ESR2: variants seen among roughly 807,000 people sequenced by gnomAD.
ESR2 encodes the protein estrogen receptor beta.
ESR2 carries 36 observed loss-of-function variants against 49.6 expected under a neutral mutation model. The observed-to-expected ratio is 0.73, with a 90% confidence interval of 0.56 to 0.96. ESR2 has a LOEUF of 0.96. Among genes scored for constraint, ESR2 ranks in the 40% least tolerant of loss-of-function variants. The pLI, the probability that ESR2 is intolerant of heterozygous loss-of-function variation, is 0.00. For missense variants in ESR2, 714 were observed against 693.0 expected (o/e 1.03, Z -0.34); for synonymous variants, 320 against 266.1 (o/e 1.20, Z -1.97).
At chr14:64,332,358 G>T (rs927545151) in intron 1 of ESR2, 1 of 152,134 alleles carries the variant, frequency 6.6e-6, no homozygotes, top group African/African-American at 2.4e-5. Flanking sequence ...GGTATCAATT[G>T]GTCTAACGTA....
chr14:64,332,785 G>A (rs2077478102), intron 1 of ESR2, among the ~76,000 whole-genome samples: 1 of 144,450 alleles, frequency 6.9e-6, no homozygotes. Flanking sequence ...GGGGGACAGA[G>A]TGAGACTCCA....
At chr14:64,257,441 A>C in intron 5 of ESR2, 77 bp from the exon 6 acceptor site, 3 of 1,567,546 alleles carry the variant, frequency 1.9e-6, no homozygotes, top group Non-Finnish European at 2.6e-6. Flanking sequence ...CAGAATGGCA[A>C]GTGTTAAAAC....
chr14:64,280,050 C>G lies in ESR2; in HGVS notation c.466G>C (p.Ala156Pro). 5 of 1,613,994 alleles carry G rather than the reference C, an allele frequency of 3.1e-6. No individual in the cohort carries two copies. Among genetic ancestry groups the G allele is most frequent in the Non-Finnish European group, 4.2e-6 (5 of 1,179,848 alleles). The change falls in exon 3 of 9, where the codon GCA becomes CCA. Residue 156 changes from alanine to proline, a missense_variant. Ala to Pro is a conservative substitution (Grantham distance 27, BLOSUM62 -1). Transcript: ENST00000341099. Reference protein sequence around the residue: ...AHFCAVCSDYASGYHYGVWSC... With the variant: ...AHFCAVCSDYPSGYHYGVWSC... ...CAGACTCCATAGTGATATCCCGATG[C>G]GTAATCGCTGCAGACAGCGCAGAAG...
At chr14:64,335,973 T>TTGTGTGTGTGTGTG (rs55721717) in intron 1 of ESR2, 2 of 125,694 alleles carry the variant, frequency 1.6e-5, no homozygotes, top group Non-Finnish European at 3.3e-5. Context: ...CCCAGCTAAT[T>TTGTGTGTGTGTGTG]TGTGTGTGTG....
Position 64,280,902 on chromosome 14 carries a change from T to C in ESR2, c.363-749A>G, listed in dbSNP as rs144875882. ...GTGCACACCTGTAATCCCAGCTACTTTGGAGGATGAAGCAGGAGATTGCTT... is the reference window on the plus strand; with the variant it reads ...GTGCACACCTGTAATCCCAGCTACTCTGGAGGATGAAGCAGGAGATTGCTT... On this transcript the variant is annotated intron_variant, in intron 2 of 8. Coordinates refer to ENST00000341099, the MANE Select transcript of ESR2 (RefSeq NM_001437.3). Among the ~76,000 whole-genome samples the C allele has an allele frequency of 1.3e-3, 202 of 152,056 alleles. 1 individual carries two copies. Among genetic ancestry groups the C allele is most frequent in the Middle Eastern group, 3.4e-3 (1 of 294 alleles).
At chr14:64,270,464 C>G (rs532944167) in intron 3 of ESR2, among the ~76,000 whole-genome samples, 2 of 152,250 alleles carry the variant, frequency 1.3e-5, no homozygotes, top group South Asian at 4.1e-4. Flanking sequence ...ATTCTTTAAA[C>G]TGGACATGTT....
intron 4 of ESR2, among the ~76,000 whole-genome samples, chr14:64,262,463 A>T (rs1409099595): frequency 6.6e-6 from 1 of 152,192 alleles, no homozygotes; most frequent in African/African-American, 2.4e-5. Context: ...CCAAAATAAC[A>T]AACAATAACA....
chr14:64,313,603 G>A (rs1313287684), intron 1 of ESR2, among the ~76,000 whole-genome samples: 1 of 150,680 alleles, frequency 6.6e-6, no homozygotes, highest in African/African-American at 2.4e-5. Flanking sequence ...AAAAAAGAAA[G>A]AAGAGGCCAG....
At chr14:64,247,170 G>A (rs1004445706) in intron 7 of ESR2, among the ~76,000 whole-genome samples, 6 of 152,176 alleles carry the variant, frequency 3.9e-5, no homozygotes, top group Admixed American at 1.3e-4. Flanking sequence ...TTTAGCAATC[G>A]ACAGAGTAAT....
chr14:64,265,347 A>G (rs1198171301), intron 4 of ESR2, among the ~76,000 whole-genome samples: 1 of 152,226 alleles, frequency 6.6e-6, no homozygotes, highest in Admixed American at 6.5e-5. Context: ...TGCATATTGC[A>G]CATGTCCTGA....
chr14:64,328,203 CACA>C (rs1449982573), intron 1 of ESR2, among the ~76,000 whole-genome samples: 2 of 152,010 alleles, frequency 1.3e-5, no homozygotes, highest in Non-Finnish European at 2.9e-5. Flanking sequence ...GCTTGGGTGA[CACA>C]ACGAGACTTC....
rs1048491921 is a variant in ESR2, at chr14:64,230,691, C to G, written c.*2446G>C. On this transcript the variant is annotated 3_prime_UTR_variant, in exon 9 of 9. Coordinates refer to ENST00000341099, the MANE Select transcript of ESR2 (RefSeq NM_001437.3). Reference sequence around the variant, plus strand: ...GGCAGTCACTATGAGACAGGCCTGACAGAGGGGTGCTGTGAGAACAGAGCG... The same window carrying G: ...GGCAGTCACTATGAGACAGGCCTGAGAGAGGGGTGCTGTGAGAACAGAGCG... 6.6e-6 allele frequency among the ~76,000 whole-genome samples: 1 copy of G among 151,636 alleles called. No individual in the cohort carries two copies. Among genetic ancestry groups the G allele is most frequent in the Admixed American group, 6.6e-5 (1 of 15,204 alleles).
intron 7 of ESR2, among the ~76,000 whole-genome samples, chr14:64,235,935 C>G (rs1314814092): frequency 2.6e-5 from 4 of 152,162 alleles, no homozygotes; most frequent in Non-Finnish European, 5.9e-5. Flanking sequence ...ATCTCCTCCC[C>G]CCGACCCCTG....
downstream of ESR2, chr14:64,227,899 C>G (rs777942903): frequency 1.3e-6 from 2 of 1,597,762 alleles, no homozygotes; most frequent in Non-Finnish European, 1.7e-6. Context: ...ACTAAGATAA[C>G]TTCAAATGAA....
intron 5 of ESR2, among the ~76,000 whole-genome samples, chr14:64,259,931 G>A (rs2076177230): frequency 6.6e-6 from 1 of 152,072 alleles, no homozygotes; most frequent in African/African-American, 2.4e-5. Flanking sequence ...GGGTCAATGT[G>A]GAGTCTATCA....
chr14:64,261,362 C>T (rs999500447), intron 4 of ESR2, among the ~76,000 whole-genome samples: 3 of 150,552 alleles, frequency 2.0e-5, no homozygotes, highest in South Asian at 2.1e-4. Context: ...CTCAGCCTCC[C>T]GAGTAGCTAG....
At chr14:64,268,746 G>A (rs1782886604) in intron 4 of ESR2, 49 bp downstream of exon 4, 1 of 1,092,282 alleles carries the variant, frequency 9.2e-7, no homozygotes, top group Non-Finnish European at 1.4e-6. Flanking sequence ...TCAGAGGACA[G>A]GGCTTTTAGC....
intron 1 of ESR2, among the ~76,000 whole-genome samples, chr14:64,286,084 A>G (rs2076780621): frequency 1.3e-5 from 2 of 152,110 alleles, no homozygotes; most frequent in African/African-American, 4.8e-5. Context: ...CCCTGCCTTC[A>G]GGGAGCTAAT....
At chr14:64,314,895 A>AAAAAAAAAAAAAAAT (rs2077234205) in intron 1 of ESR2, among the ~76,000 whole-genome samples, 1 of 145,864 alleles carries the variant, frequency 6.9e-6, no homozygotes, top group Non-Finnish European at 1.5e-5. Context: ...AAAAAAAAAA[A>AAAAAAAAAAAAAAAT]AAAAAAAGAA....
Sources: allele counts gnomAD v4.1 joint callset (sites outside exome capture counted in the v4.1 genomes callset), GRCh38; gene constraint gnomAD v4.1.1; transcripts MANE v1.5; gene names NCBI Gene and HGNC (gene_info 2026-07-23, HGNC 2026-07-21).